Variants in COLGALT1 observed in about 807,000 individuals in gnomAD.
COLGALT1 encodes the protein collagen beta(1-O)galactosyltransferase 1, also known as procollagen galactosyltransferase 1.
COLGALT1 carries 43 observed loss-of-function variants against 60.8 expected under a neutral mutation model. The ratio of observed to expected loss-of-function variants is 0.71; its 90% CI spans 0.55 to 0.91. The LOEUF is 0.91. COLGALT1 is among the 40% of genes least tolerant of loss of function. The pLI, the probability that COLGALT1 is intolerant of heterozygous loss-of-function variation, is 0.00. For synonymous variants in COLGALT1, 369 were observed against 374.2 expected (o/e 0.99, Z 0.16); for missense variants, 845 against 880.0 (o/e 0.96, Z 0.50).
chr19:17,577,434 T>A lies in COLGALT1; in HGVS notation c.1100T>A (p.Ile367Asn). ...RMLRALQAQEIECRLVEAVDG... is the reference protein window; with the variant it reads ...RMLRALQAQENECRLVEAVDG... ...CTGCGGGCGCTGCAGGCACAGGAGA[T>A]CGAGTGCCGGCTGGTGGAGGCCGTG... The change falls in exon 8 of 12, where the codon ATC (isoleucine) becomes AAC (asparagine). Residue 367 changes from isoleucine (I) to asparagine (N), a missense_variant. By Grantham distance (149) the Ile-to-Asn change is moderately radical. Transcript: ENST00000252599. 8.3e-7 allele frequency: 1 copy of A among 1,205,508 alleles called. No homozygotes were observed. The highest frequency in any genetic ancestry group is 3.3e-5 in the Admixed American group (1 of 29,910). 74.7% of individuals were successfully genotyped at this position (1,205,508 alleles called of 1,614,324 possible).
intron 6 of COLGALT1, 35 bp from the exon 7 acceptor site, chr19:17,577,160 T>C (rs2144843458): frequency 6.2e-7 from 1 of 1,603,004 alleles, no homozygotes. Context: ...GGAGGCTCCT[T>C]ACCCCAGCGA....
chr19:17,568,422 TG>T, intron 4 of COLGALT1, 86 bp from the exon 5 acceptor site: 1 of 1,176,332 alleles, frequency 8.5e-7, no homozygotes, highest in Non-Finnish European at 1.3e-6. Flanking sequence ...GCTGTCTGTC[TG>T]GTCCTGTTTC....
chr19:17,570,330 C>G (rs2076305102), intron 5 of COLGALT1, among the ~76,000 whole-genome samples: 1 of 152,064 alleles, frequency 6.6e-6, no homozygotes, highest in South Asian at 2.1e-4. Context: ...GCCTCAACCT[C>G]CTGGGCTCAA....
intron 3 of COLGALT1, among the ~76,000 whole-genome samples, chr19:17,562,233 G>C (rs2144819519): frequency 1.3e-5 from 2 of 152,328 alleles, no homozygotes; most frequent in Middle Eastern, 3.4e-3. Flanking sequence ...AGTGAGCAAA[G>C]TGATTACGAT....
chr19:17,559,553 G>C (rs1456687000), intron 2 of COLGALT1, 132 bp downstream of exon 2: 1 of 681,688 alleles, frequency 1.5e-6, no homozygotes, highest in Admixed American at 2.4e-5. Context: ...GCAGCATTAA[G>C]CTACTCTGAG....
At chr19:17,561,314 C>T (rs2076247740) in intron 3 of COLGALT1, among the ~76,000 whole-genome samples, 1 of 152,018 alleles carries the variant, frequency 6.6e-6, no homozygotes, top group Non-Finnish European at 1.5e-5. Context: ...CCCCTGGGCT[C>T]AAGTGATCTT....
chr19:17,581,395 C>G lies in COLGALT1; in HGVS notation c.1820C>G (p.Ser607Trp). The change falls in exon 12 of 12, where the codon TCG (serine) becomes TGG (tryptophan). Residue 607 changes from serine to tryptophan, a missense_variant. Physicochemically the swap from Ser to Trp is radical, Grantham distance 177. Coordinates refer to ENST00000252599, the MANE Select transcript of COLGALT1 (RefSeq NM_024656.4). ...QQALSREAKN[S>W]DVLQSPLDSA... ...GCACTGAGCCGTGAGGCCAAGAACT[C>G]GGACGTGCTCCAGTCCCCACTGGAC... The G allele has an allele frequency of 6.2e-7, 1 of 1,612,270 alleles. No homozygotes were observed. The highest frequency in any genetic ancestry group is 2.2e-5 in the East Asian group (1 of 44,882).
At chr19:17,576,899 T>G (rs1490021183) in intron 6 of COLGALT1, among the ~76,000 whole-genome samples, 2 of 30,618 alleles carry the variant, frequency 6.5e-5, no homozygotes, top group Non-Finnish European at 1.4e-4. Flanking sequence ...CAGGGTTGAG[T>G]AGCGGGGCCT....
Position 17,576,969 on chromosome 19 carries a change from G to A in COLGALT1, c.950-226G>A, listed in dbSNP as rs1386503282. The A allele has an allele frequency of 2.4e-5, 14 of 584,866 alleles. No homozygotes were observed. In the East Asian group the frequency reaches 4.1e-4, roughly 17 times the overall value. 36.2% of individuals were successfully genotyped at this position (584,866 alleles called of 1,614,324 possible). A position where few individuals can be genotyped will look rare whatever the true frequency, so the allele number is the denominator to read the frequency against. On this transcript the variant is annotated intron_variant, in intron 6 of 11. Coordinates refer to ENST00000252599, the MANE Select transcript of COLGALT1 (RefSeq NM_024656.4). ...AGGGCTGAGAGGCAGGACTGGGGGCGGGGTGAAGCTGGGGCCTGGGGTGTG... is the reference window on the plus strand; with the variant it reads ...AGGGCTGAGAGGCAGGACTGGGGGCAGGGTGAAGCTGGGGCCTGGGGTGTG...
Position 17,560,729 on chromosome 19 carries a change from ATTTTTATT to A in COLGALT1, c.489+278_489+285del, listed in dbSNP as rs533277889. Among the ~76,000 whole-genome samples the A allele has an allele frequency of 1.9e-3, 293 of 151,906 alleles. 2 individuals are homozygous for A. Among genetic ancestry groups the A allele is most frequent in the Non-Finnish European group, 1.4e-3 (97 of 67,922 alleles). On this transcript the variant is annotated intron_variant, in intron 3 of 11. Transcript: ENST00000252599. ...GTGTTTGGACACTTGGGTCAAGTCCATTTTTATTTTTTTATTTTTTTGAGACAGAGACT... is the reference window on the plus strand; with the variant it reads ...GTGTTTGGACACTTGGGTCAAGTCCATTTTTATTTTTTTGAGACAGAGACT...
intron 3 of COLGALT1, among the ~76,000 whole-genome samples, chr19:17,566,755 A>T (rs1957295827): frequency 6.6e-6 from 1 of 152,104 alleles, no homozygotes; most frequent in South Asian, 2.1e-4. Flanking sequence ...CGATTACACC[A>T]TTGCACTTCA....
chr19:17,559,409 C>G lies in COLGALT1; in HGVS notation c.359C>G (p.Ala120Gly), dbSNP rs1454297119. The G allele has an allele frequency of 6.4e-7, 1 of 1,551,386 alleles. No homozygotes were observed. Among genetic ancestry groups the G allele is most frequent in the African/African-American group, 1.4e-5 (1 of 73,042 alleles). Residue 120 changes from alanine (A) to glycine (G), a missense_variant, in exon 2 of 12, where the codon GCA becomes GGA. Coordinates refer to ENST00000252599, the MANE Select transcript of COLGALT1 (RefSeq NM_024656.4). Reference protein sequence around the residue: ...SLYHSVEWRPAEEPRSYPDEE... With the variant: ...SLYHSVEWRPGEEPRSYPDEE... ...TACCATTCCGTGGAGTGGCGGCCAG[C>G]AGAGGAGCCCAGGTGAGCATCTTTC...
At chr19:17,563,194 T>C (rs986437495) in intron 3 of COLGALT1, among the ~76,000 whole-genome samples, 12 of 146,748 alleles carry the variant, frequency 8.2e-5, no homozygotes, top group Admixed American at 5.4e-4. Flanking sequence ...TTTCTTTTTT[T>C]TTTTTTTTTT....
Position 17,577,123 on chromosome 19 carries a change from G to T in COLGALT1, c.950-72G>T, listed in dbSNP as rs147629949. 8.4e-5 allele frequency: 124 copies of T among 1,479,340 alleles called. 2 individuals are homozygous for T. The highest frequency in any genetic ancestry group is 6.4e-4 in the African/African-American group (46 of 72,132). 91.6% of individuals were successfully genotyped at this position (1,479,340 alleles called of 1,614,324 possible). The stretch of plus-strand genomic sequence containing the variant: ...AGTCTGACTGGGAGCCATGGAGTGG[G>T]TGGGGAAAGCGTGTTGGAGAGAGGC... On this transcript the variant is annotated intron_variant, in intron 6 of 11. Transcript: ENST00000252599.
intron 8 of COLGALT1, among the ~76,000 whole-genome samples, chr19:17,577,755 C>T (rs893595032): frequency 6.6e-6 from 1 of 151,952 alleles, no homozygotes; most frequent in Non-Finnish European, 1.5e-5. Flanking sequence ...GTCAGTCAGA[C>T]CCCAGGAGAG....
intron 3 of COLGALT1, 63 bp downstream of exon 3, chr19:17,560,528 G>C (rs866869270): frequency 1.5e-6 from 2 of 1,325,424 alleles, no homozygotes; most frequent in East Asian, 4.6e-5. Flanking sequence ...AGGGAAGGCG[G>C]AGCAGCAGGA....
chr19:17,580,989 GAGA>G, intron 11 of COLGALT1, 84 bp downstream of exon 11: 3 of 1,522,244 alleles, frequency 2.0e-6, no homozygotes, highest in South Asian at 1.1e-5. Context: ...CACGGCCTCC[GAGA>G]AGATGTCTCT....
intron 10 of COLGALT1, 38 bp downstream of exon 10, chr19:17,579,647 TG>T: frequency 1.3e-6 from 1 of 740,796 alleles, no homozygotes; most frequent in Non-Finnish European, 1.7e-6. Flanking sequence ...AGCTGGGGCC[TG>T]GGGCAAGGCC....
In COLGALT1 at chr19:17,555,742, G is replaced by C. The variant is rs1015946992; in HGVS notation, c.29G>C (p.Arg10Pro). ...GCGGCGGCCCCACGCGCGGGCCGGC[G>C]GCGCGGGCAGCCGCTCCTGGCGCTG... MAAAPRAGR[R>P]RGQPLLALLL... Residue 10 changes from arginine (R) to proline (P), a missense_variant, in exon 1 of 12, where the codon CGG becomes CCG. By Grantham distance (103) the Arg-to-Pro change is moderately radical (BLOSUM62 -2). Coordinates refer to ENST00000252599, the MANE Select transcript of COLGALT1 (RefSeq NM_024656.4). 2.1e-5 allele frequency: 25 copies of C among 1,208,240 alleles called. No individual in the cohort carries two copies. In the African/African-American group the frequency reaches 3.8e-4, roughly 18 times the overall value. 74.8% of individuals were successfully genotyped at this position (1,208,240 alleles called of 1,614,324 possible).
Sources: allele counts gnomAD v4.1 joint callset (sites outside exome capture counted in the v4.1 genomes callset), GRCh38; gene constraint gnomAD v4.1.1; transcripts MANE v1.5; gene names NCBI Gene and HGNC (gene_info 2026-07-23, HGNC 2026-07-21).